TMEM132B: variants seen among roughly 807,000 people sequenced by gnomAD.
The protein encoded by TMEM132B is transmembrane protein 132B.
A neutral mutation model predicts 90.8 loss-of-function variants in TMEM132B; 18 were observed. The ratio of observed to expected loss-of-function variants is 0.20; its 90% CI spans 0.14 to 0.29. The LOEUF (loss-of-function observed/expected upper bound fraction) is 0.29, where lower values mean the gene tolerates loss of function less well. TMEM132B is among the 10% of genes least tolerant of loss of function. The pLI, the probability that TMEM132B is intolerant of heterozygous loss-of-function variation, is 1.00. For missense variants in TMEM132B, 1,096 were observed against 1,326.8 expected (o/e 0.83, Z 2.70); for synonymous variants, 504 against 523.3 (o/e 0.96, Z 0.50).
At chr12:125,382,246 T>C (rs1198981126) in intron 2 of TMEM132B, among the ~76,000 whole-genome samples, 3 of 152,212 alleles carry the variant, frequency 2.0e-5, no homozygotes, top group Non-Finnish European at 4.4e-5. Context: ...CAGACAAAAG[T>C]AGGATATGGT....
rs141432406 is a variant in TMEM132B, at chr12:125,638,693, G to T, written c.1438-5383G>T. Among the ~76,000 whole-genome samples, 150 of 152,190 alleles carry T rather than the reference G, an allele frequency of 9.9e-4. 2 individuals carry two copies. Among genetic ancestry groups the T allele is most frequent in the African/African-American group, 3.5e-3 (144 of 41,528 alleles). On this transcript the variant is annotated intron_variant, in intron 5 of 8. Coordinates refer to ENST00000682704, the MANE Select transcript of TMEM132B (RefSeq NM_001366854.1). ...CAACGTGCAGTCAGCCTCCCATCAG[G>T]GCAGGCAGGTGGGTCAACAGTGTGG...
intron 4 of TMEM132B, among the ~76,000 whole-genome samples, chr12:125,567,044 A>G (rs1884676426): frequency 6.6e-6 from 1 of 151,900 alleles, no homozygotes; most frequent in Non-Finnish European, 1.5e-5. Flanking sequence ...GGGTTTCACC[A>G]TGTAGGCCAG....
intron 3 of TMEM132B, among the ~76,000 whole-genome samples, chr12:125,457,201 G>C (rs1465149827): frequency 6.6e-6 from 1 of 152,220 alleles, no homozygotes; most frequent in Admixed American, 6.5e-5. Context: ...CCCAGGAAAC[G>C]TGTCTCAGCT....
chr12:125,316,551 A>T (rs1190658368), intron 1 of TMEM132B, among the ~76,000 whole-genome samples: 2 of 38,506 alleles, frequency 5.2e-5, no homozygotes, highest in Non-Finnish European at 8.5e-5. Context: ...ATGTACCTTT[A>T]ACCTGGCTTC....
intron 4 of TMEM132B, among the ~76,000 whole-genome samples, chr12:125,539,242 T>A (rs1049200534): frequency 6.6e-6 from 1 of 152,190 alleles, no homozygotes; most frequent in Non-Finnish European, 1.5e-5. Context: ...CTTCCCTCAC[T>A]TCTCATCCCT....
rs113715268 is a variant in TMEM132B at position 125,371,106 on chromosome 12, G to A, written c.959+20763G>A. On this transcript the variant is annotated intron_variant, in intron 2 of 8. Coordinates refer to ENST00000682704, the MANE Select transcript of TMEM132B (RefSeq NM_001366854.1). ...AAAGCCAAAAATCCTGGAGTCTGAT[G>A]TTCGAGGGTAGGAAGCATCCAGCAC... is the stretch of plus-strand genomic sequence containing the variant. Among the ~76,000 whole-genome samples, 10 of 150,794 alleles carry A rather than the reference G, an allele frequency of 6.6e-5. 1 individual carries two copies. Among genetic ancestry groups the A allele is most frequent in the Admixed American group, 2.1e-4 (3 of 14,626 alleles).
chr12:125,546,477 C>T (rs529374076), intron 4 of TMEM132B, among the ~76,000 whole-genome samples: 67 of 152,274 alleles, frequency 4.4e-4, no homozygotes, highest in Admixed American at 2.4e-3. Flanking sequence ...CCACCACGAC[C>T]GGCTGCAAGT....
At chr12:125,477,404 C>T (rs1045185095) in intron 3 of TMEM132B, among the ~76,000 whole-genome samples, 1 of 152,150 alleles carries the variant, frequency 6.6e-6, no homozygotes, top group Non-Finnish European at 1.5e-5. Flanking sequence ...CTCTCTGGCT[C>T]AATCCACCCC....
At chr12:125,595,851 A>C (rs1885426658) in intron 5 of TMEM132B, among the ~76,000 whole-genome samples, 1 of 145,566 alleles carries the variant, frequency 6.9e-6, no homozygotes, top group South Asian at 2.1e-4. Flanking sequence ...GAGCAATTTC[A>C]TGCTTATTTC....
At chr12:125,294,585 A>G (rs1488765561) in intron 1 of TMEM132B, among the ~76,000 whole-genome samples, 1 of 152,248 alleles carries the variant, frequency 6.6e-6, no homozygotes, top group Admixed American at 6.5e-5. Flanking sequence ...CACTGCAGTA[A>G]GAGCTGCCTA....
chr12:125,479,412 GGAAGA>G (rs1347410874), intron 3 of TMEM132B, among the ~76,000 whole-genome samples: 7 of 152,276 alleles, frequency 4.6e-5, no homozygotes, highest in African/African-American at 1.7e-4. Context: ...AAGGGATGGA[GGAAGA>G]TCTACTAAGC....
intron 4 of TMEM132B, among the ~76,000 whole-genome samples, chr12:125,527,679 C>A (rs372737688): frequency 3.4e-5 from 5 of 148,326 alleles, no homozygotes; most frequent in African/African-American, 1.3e-4. Flanking sequence ...TACCCATTCA[C>A]CCTTCCAACC....
intron 3 of TMEM132B, among the ~76,000 whole-genome samples, chr12:125,471,111 C>T (rs1399226256): frequency 6.6e-6 from 1 of 152,272 alleles, no homozygotes; most frequent in African/African-American, 2.4e-5. Flanking sequence ...TGGAGCCTCT[C>T]CTGGTGTCCC....
intron 5 of TMEM132B, among the ~76,000 whole-genome samples, chr12:125,633,920 CA>C (rs142670475): frequency 6.6e-6 from 1 of 152,274 alleles, no homozygotes; most frequent in African/African-American, 2.4e-5. Flanking sequence ...TTGCTGTAAC[CA>C]TTCCCTAGCT....
intron 3 of TMEM132B, among the ~76,000 whole-genome samples, chr12:125,457,964 C>G (rs1203073756): frequency 6.6e-6 from 1 of 151,980 alleles, no homozygotes; most frequent in African/African-American, 2.4e-5. Context: ...CTGCTGTGGT[C>G]ACAATGTGGG....
intron 2 of TMEM132B, among the ~76,000 whole-genome samples, chr12:125,373,352 T>A (rs567064450): frequency 6.6e-6 from 1 of 152,188 alleles, no homozygotes; most frequent in African/African-American, 2.4e-5. Flanking sequence ...TATTTGGATA[T>A]AGGGCCTTTA....
intron 1 of TMEM132B, among the ~76,000 whole-genome samples, chr12:125,327,789 C>T (rs1483585802): frequency 6.6e-6 from 1 of 151,912 alleles, no homozygotes; most frequent in Non-Finnish European, 1.5e-5. Context: ...TTCTATAGTC[C>T]AAGGTTTTAA....
At chr12:125,318,185 A>G (rs1476757086) in intron 1 of TMEM132B, among the ~76,000 whole-genome samples, 1 of 66,624 alleles carries the variant, frequency 1.5e-5, no homozygotes, top group Non-Finnish European at 2.5e-5. Flanking sequence ...CTACAATAAA[A>G]GTAAAAAAAA....
chr12:125,642,162 G>A (rs982825472), intron 5 of TMEM132B, among the ~76,000 whole-genome samples: 7 of 152,152 alleles, frequency 4.6e-5, no homozygotes, highest in African/African-American at 1.7e-4. Flanking sequence ...TCTATAATGG[G>A]GCTTCCACAC....
Sources: allele counts gnomAD v4.1 joint callset (sites outside exome capture counted in the v4.1 genomes callset), GRCh38; gene constraint gnomAD v4.1.1; transcripts MANE v1.5; gene names NCBI Gene and HGNC (gene_info 2026-07-23, HGNC 2026-07-21).